Variants in ARHGEF10 observed in about 807,000 individuals in gnomAD.
ARHGEF10 encodes Rho guanine nucleotide exchange factor (GEF) 10.
In ARHGEF10, 140 loss-of-function variants were observed where a neutral mutation model predicts 147.4. That is an observed-to-expected ratio of 0.95 (90% CI 0.83 to 1.09). The LOEUF (loss-of-function observed/expected upper bound fraction) is 1.09. ARHGEF10 is among the 50% of genes least tolerant of loss of function. The pLI, the probability that ARHGEF10 is intolerant of heterozygous loss-of-function variation, is 0.00. For synonymous variants in ARHGEF10, 902 were observed against 695.8 expected, an observed-to-expected ratio of 1.30 and a Z score of -4.67; for missense variants, 2,222 against 1,752.7, an observed-to-expected ratio of 1.27 and a Z score of -4.78.
intron 4 of ARHGEF10, among the ~76,000 whole-genome samples, chr8:1,860,995 C>T (rs1457388155): frequency 4.6e-5 from 7 of 152,190 alleles, no homozygotes; most frequent in African/African-American, 1.7e-4. Flanking sequence ...AAGGTCAGAG[C>T]CACCTGGGGC....
intron 28 of ARHGEF10, among the ~76,000 whole-genome samples, chr8:1,953,688 T>A (rs935310667): frequency 2.4e-4 from 37 of 152,176 alleles, no homozygotes; most frequent in African/African-American, 8.0e-4. Flanking sequence ...ATTGGGCCAT[T>A]TAATAAAATG....
At chr8:1,851,153 G>A (rs967464957) in intron 2 of ARHGEF10, among the ~76,000 whole-genome samples, 3 of 151,492 alleles carry the variant, frequency 2.0e-5, no homozygotes, top group East Asian at 1.9e-4. Flanking sequence ...CACCAGGAGC[G>A]AGGCCTCACG....
intron 7 of ARHGEF10, among the ~76,000 whole-genome samples, chr8:1,875,278 C>T (rs530951302): frequency 6.6e-6 from 1 of 151,906 alleles, no homozygotes; most frequent in African/African-American, 2.4e-5. Flanking sequence ...GGTTCTAAGA[C>T]AGGCTGGAGG....
chr8:1,883,715 C>G (rs1808409139), intron 10 of ARHGEF10, among the ~76,000 whole-genome samples: 1 of 152,058 alleles, frequency 6.6e-6, no homozygotes, highest in South Asian at 2.1e-4. Context: ...AGTATCATGC[C>G]CTGATGAGGT....
chr8:1,934,693 C>T (rs1056771320), intron 26 of ARHGEF10, among the ~76,000 whole-genome samples: 2 of 152,174 alleles, frequency 1.3e-5, no homozygotes. Context: ...CTAAACACTC[C>T]AGATGGATGG....
At position 1,945,104 on chromosome 8, in the gene ARHGEF10, C is replaced by T. The variant is rs1814457533; in HGVS notation, c.3223-377C>T. On this transcript the variant is annotated intron_variant, in intron 26 of 28. Coordinates refer to ENST00000349830, the MANE Select transcript of ARHGEF10 (RefSeq NM_014629.4). ...AGGCTGCAGGCAGGCAGTGGGGCCC[C>T]ATGCCATAGCTTGGAGACATCGAGG... Among the ~76,000 whole-genome samples the T allele has an allele frequency of 2.0e-5, 3 of 152,236 alleles. No individual in the cohort carries two copies. The South Asian group carries it at 6.2e-4, about 32-fold the overall frequency.
Position 1,860,326 on chromosome 8 carries a change from C to G in ARHGEF10, c.481+142C>G, listed in dbSNP as rs1367630985. 32 of 1,071,766 alleles carry G rather than the reference C, an allele frequency of 3.0e-5. No homozygotes were observed. In the African/African-American group the frequency reaches 3.2e-4, roughly 11 times the overall value. The allele number at this position is 1,071,766 out of a possible 1,614,324, so 66.4% of individuals were successfully genotyped here. A position where few individuals can be genotyped will look rare whatever the true frequency, so the allele number is the denominator to read the frequency against. The stretch of plus-strand genomic sequence containing the variant: ...GTAGAGTCCGGGCCTGACCTTCCCC[C>G]CTCCTCCTCCTCTCCATGCCCCCGA... On this transcript the variant is annotated intron_variant, in intron 4 of 28. Coordinates refer to ENST00000349830, the MANE Select transcript of ARHGEF10 (RefSeq NM_014629.4).
chr8:1,902,276 C>T (rs910464694), intron 15 of ARHGEF10, among the ~76,000 whole-genome samples: 17 of 152,102 alleles, frequency 1.1e-4, no homozygotes, highest in African/African-American at 3.6e-4. Flanking sequence ...CTTCAGCAAA[C>T]GTCAGCGTGT....
chr8:1,938,807 G>A (rs542042276), intron 26 of ARHGEF10, among the ~76,000 whole-genome samples: 5 of 152,220 alleles, frequency 3.3e-5, no homozygotes, highest in African/African-American at 4.8e-5. Flanking sequence ...CAGGTCAGCA[G>A]AAGAGGCCAG....
intron 2 of ARHGEF10, among the ~76,000 whole-genome samples, chr8:1,845,954 C>T (rs775256876): frequency 6.6e-6 from 1 of 152,220 alleles, no homozygotes; most frequent in Non-Finnish European, 1.5e-5. Flanking sequence ...GCCCAGATTT[C>T]GACCCAGGGG....
chr8:1,957,001 C>T lies in ARHGEF10; in HGVS notation c.3773C>T (p.Ser1258Phe), dbSNP rs138429013. The change falls in exon 29 of 29, where the codon TCC becomes TTC. Residue 1258 changes from serine (S) to phenylalanine (F), a missense_variant. Coordinates refer to ENST00000349830, the MANE Select transcript of ARHGEF10 (RefSeq NM_014629.4). ...ATGACTCAGAAAAGCGACCTGTCCT[C>T]CTCATCTGGGTCCCTGAGCTTGTCT... is the stretch of plus-strand genomic sequence containing the variant. ...GSMTQKSDLS[S>F]SSGSLSLSHG... The T allele has an allele frequency of 2.5e-6, 4 of 1,614,006 alleles. No individual in the cohort carries two copies. The highest frequency in any genetic ancestry group is 2.2e-5 in the South Asian group (2 of 91,090).
intron 2 of ARHGEF10, among the ~76,000 whole-genome samples, chr8:1,856,027 G>T (rs1032513138): frequency 1.3e-5 from 2 of 151,956 alleles, no homozygotes; most frequent in Non-Finnish European, 2.9e-5. Context: ...GGAAATTAGC[G>T]GTTCTGTCCA....
At chr8:1,936,924 C>A (rs1813661290) in intron 26 of ARHGEF10, among the ~76,000 whole-genome samples, 1 of 152,134 alleles carries the variant, frequency 6.6e-6, no homozygotes, top group African/African-American at 2.4e-5. Flanking sequence ...CTCCGGCTGG[C>A]CCCTGGAGAC....
Position 1,929,317 on chromosome 8 carries a change from A to C in ARHGEF10, c.2953A>C (p.Lys985Gln), listed in dbSNP as rs1812925848. ...CATTTATAAAAGCAGTCAAGGCTCC[A>C]AGAAAGTGAGACTTCAGCACTTTTT... Reference protein sequence around the residue: ...ISIYKSSQGSKKVRLQHFFTP... With the variant: ...ISIYKSSQGSQKVRLQHFFTP... The change falls in exon 25 of 29, where the codon AAG becomes CAG. Residue 985 changes from lysine (K) to glutamine (Q), a missense_variant. Transcript: ENST00000349830. 1.2e-6 allele frequency: 2 copies of C among 1,614,022 alleles called. No individual in the cohort carries two copies. The highest frequency in any genetic ancestry group is 1.3e-5 in the African/African-American group (1 of 74,950).
At chr8:1,897,773 C>A (rs938737082) in intron 14 of ARHGEF10, among the ~76,000 whole-genome samples, 1 of 152,202 alleles carries the variant, frequency 6.6e-6, no homozygotes, top group Non-Finnish European at 1.5e-5. Context: ...AGGATGCCAG[C>A]CGTGGCCGTG....
intron 15 of ARHGEF10, among the ~76,000 whole-genome samples, 167 bp downstream of exon 15, chr8:1,898,692 G>T (rs1032962706): frequency 6.6e-6 from 1 of 152,206 alleles, no homozygotes. Flanking sequence ...GAGACCTGCG[G>T]AGAGTCACCC....
intron 1 of ARHGEF10, among the ~76,000 whole-genome samples, chr8:1,834,045 G>T (rs965722947): frequency 6.6e-6 from 1 of 152,218 alleles, no homozygotes; most frequent in African/African-American, 2.4e-5. Context: ...GCTGCCTGCT[G>T]CGACTGCAGA....
chr8:1,892,919 T>A (rs149225743), intron 11 of ARHGEF10, among the ~76,000 whole-genome samples: 393 of 152,172 alleles, frequency 2.6e-3, no homozygotes, highest in Middle Eastern at 0.01. Context: ...CAGCCACAAG[T>A]CTATTGTATG....
In ARHGEF10 at chr8:1,929,304, C is replaced by T. The variant is rs1655957411; in HGVS notation, c.2940C>T (p.Ser980=). The part of the protein sequence containing the change: ...TEEGSISIYK[S]SQGSKKVRLQ... ...CTTAAAGCATTTCCATTTATAAAAG[C>T]AGTCAAGGCTCCAAGAAAGTGAGAC... Residue 980 remains serine, a synonymous_variant, in exon 25 of 29, where the codon AGC becomes AGT. Transcript: ENST00000349830. The T allele has an allele frequency of 6.2e-7, 1 of 1,614,126 alleles. No homozygotes were observed.
Sources: allele counts gnomAD v4.1 joint callset (sites outside exome capture counted in the v4.1 genomes callset), GRCh38; gene constraint gnomAD v4.1.1; transcripts MANE v1.5; gene names NCBI Gene and HGNC (gene_info 2026-07-23, HGNC 2026-07-21).